The following JAM3 variants were observed in gnomAD, a reference collection of about 807,000 sequenced individuals.
JAM3 encodes junctional adhesion molecule 3.
In JAM3, 31 loss-of-function variants were observed where a neutral mutation model predicts 39.4. The observed-to-expected ratio is 0.79, with a 90% CI of 0.59 to 1.06. The LOEUF is 1.06. JAM3 is among the 50% of genes least tolerant of loss of function. JAM3 has a pLI of 0.00. For missense variants in JAM3, 455 were observed against 391.4 expected (o/e 1.16, Z -1.37); for synonymous variants, 182 against 148.7 (o/e 1.22, Z -1.63).
At chr11:134,125,364 TCAAA>T (rs1230326332) in intron 1 of JAM3, among the ~76,000 whole-genome samples, 2 of 152,246 alleles carry the variant, frequency 1.3e-5, no homozygotes, top group Non-Finnish European at 2.9e-5. Context: ...AGGGTTTTAC[TCAAA>T]CAATGGGATC....
intron 1 of JAM3, among the ~76,000 whole-genome samples, chr11:134,122,146 C>T (rs903867037): frequency 6.6e-6 from 1 of 152,176 alleles, no homozygotes; most frequent in South Asian, 2.1e-4. Flanking sequence ...ATCAAAACTC[C>T]AGCAATAGGA....
Position 134,140,697 on chromosome 11 carries a change from T to G in JAM3, c.183T>G (p.Ser61Arg). The G allele has an allele frequency of 6.2e-7, 1 of 1,613,826 alleles. No homozygotes were observed. Among genetic ancestry groups the G allele is most frequent in the Non-Finnish European group, 8.5e-7 (1 of 1,179,872 alleles). ...GCATCATTACGGATTCGCAGACAAG[T>G]GACCCCAGGATCGAGTGGAAGAAAA... The part of the protein sequence containing the change: ...LSCIITDSQT[S>R]DPRIEWKKIQ... The change falls in exon 3 of 9, where the codon AGT becomes AGG. Residue 61 changes from serine (S) to arginine (R), a missense_variant. Physicochemically the swap from Ser to Arg is moderately radical, Grantham distance 110. Coordinates refer to ENST00000299106, the MANE Select transcript of JAM3 (RefSeq NM_032801.5).
At position 134,146,042 on chromosome 11, in the gene JAM3, G is replaced by A; in HGVS notation, c.709G>A (p.Val237Ile). The A allele has an allele frequency of 1.2e-6, 2 of 1,609,760 alleles. No homozygotes were observed. The highest frequency in any genetic ancestry group is 1.3e-5 in the African/African-American group (1 of 74,992). ...SARCEEQEME[V>I]YDLNIGGIIG... ...CAGGTGTGAGGAGCAGGAGATGGAA[G>A]TCTGTGAGTTTCTTTTTTGAAGAGG... The change falls in exon 6 of 9, where the codon GTC becomes ATC. Residue 237 changes from valine (V) to isoleucine (I), a missense_variant. Coordinates refer to ENST00000299106, the MANE Select transcript of JAM3 (RefSeq NM_032801.5).
intron 1 of JAM3, chr11:134,070,176 A>C (rs1189184203): frequency 2.2e-6 from 1 of 456,136 alleles, no homozygotes; most frequent in East Asian, 6.9e-5. Flanking sequence ...TTTCAGAGTC[A>C]AGTCTAGTCT....
At chr11:134,141,999 C>T (rs951839678) in intron 3 of JAM3, among the ~76,000 whole-genome samples, 3 of 151,946 alleles carry the variant, frequency 2.0e-5, no homozygotes, top group East Asian at 1.9e-4. Flanking sequence ...TTCCCACTCA[C>T]GTGAAGTCCC....
intron 1 of JAM3, chr11:134,124,368 G>T: frequency 3.0e-6 from 2 of 671,680 alleles, no homozygotes; most frequent in South Asian, 3.5e-5. Context: ...TGAGTGTGAT[G>T]GGAAAAGTGA....
chr11:134,125,571 T>C (rs1422949828), intron 1 of JAM3, among the ~76,000 whole-genome samples: 3 of 152,208 alleles, frequency 2.0e-5, no homozygotes, highest in Non-Finnish European at 4.4e-5. Flanking sequence ...TTTGTACTTG[T>C]AGCCATTGAC....
At chr11:134,147,459 CAAA>C (rs557379286) in intron 6 of JAM3, among the ~76,000 whole-genome samples, 2,368 of 70,842 alleles carry the variant, frequency 0.033, 84 homozygotes, top group African/African-American at 0.1. Context: ...GACTCTGTCT[CAAA>C]AAAAAAAAAA....
At position 134,109,324 on chromosome 11, in the gene JAM3, A is replaced by G. The variant is rs574295978; in HGVS notation, c.77-30527A>G. Among the ~76,000 whole-genome samples the G allele has an allele frequency of 3.9e-5, 6 of 152,336 alleles. 1 individual carries two copies. In the South Asian group the frequency reaches 1.2e-3, roughly 32 times the overall value. ...TCTAGCAGTGCAACCAGGGATGAAA[A>G]AAAGAACTTAAAAAAAATTAGGAAG... On this transcript the variant is annotated intron_variant, in intron 1 of 8. Coordinates refer to ENST00000299106, the MANE Select transcript of JAM3 (RefSeq NM_032801.5).
chr11:134,121,511 G>T (rs570136739), intron 1 of JAM3, among the ~76,000 whole-genome samples: 1 of 150,682 alleles, frequency 6.6e-6, no homozygotes, highest in Admixed American at 6.6e-5. Context: ...ATGTTTTGTT[G>T]TTCTTTAAAA....
intron 1 of JAM3, among the ~76,000 whole-genome samples, chr11:134,136,999 G>T (rs557007409): frequency 2.6e-4 from 39 of 152,056 alleles, no homozygotes; most frequent in African/African-American, 9.4e-4. Context: ...TGTAGTCCCA[G>T]CTACTTGGGA....
At chr11:134,122,840 G>C (rs574449496) in intron 1 of JAM3, among the ~76,000 whole-genome samples, 9 of 152,232 alleles carry the variant, frequency 5.9e-5, no homozygotes, top group Non-Finnish European at 1.3e-4. Flanking sequence ...TCTGATACTA[G>C]ACAGAAAATC....
chr11:134,096,736 G>A (rs749802459), intron 1 of JAM3, among the ~76,000 whole-genome samples: 12 of 152,094 alleles, frequency 7.9e-5, no homozygotes, highest in Non-Finnish European at 1.2e-4. Flanking sequence ...CTTCTTTGTT[G>A]TATTGGGGTG....
At chr11:134,108,578 G>T (rs1942246993) in intron 1 of JAM3, among the ~76,000 whole-genome samples, 1 of 152,156 alleles carries the variant, frequency 6.6e-6, no homozygotes, top group South Asian at 2.1e-4. Context: ...GGCTGTTTGT[G>T]TGTATAGGAA....
chr11:134,124,234 C>T, intron 1 of JAM3: 2 of 1,282,792 alleles, frequency 1.6e-6, no homozygotes, highest in Non-Finnish European at 2.3e-6. Flanking sequence ...TTAAGTTCCT[C>T]TGGGAACTCG....
chr11:134,126,926 C>G (rs1043439646), intron 1 of JAM3, among the ~76,000 whole-genome samples: 2 of 152,206 alleles, frequency 1.3e-5, no homozygotes, highest in African/African-American at 4.8e-5. Flanking sequence ...GGCACTGATG[C>G]ATTGTAGGAT....
chr11:134,126,097 G>A (rs866392528), intron 1 of JAM3, among the ~76,000 whole-genome samples: 9 of 152,050 alleles, frequency 5.9e-5, no homozygotes, highest in African/African-American at 2.2e-4. Flanking sequence ...GTTTTCCTGC[G>A]ACATCCCTTC....
chr11:134,128,174 A>G (rs997236945), intron 1 of JAM3, among the ~76,000 whole-genome samples: 3 of 152,214 alleles, frequency 2.0e-5, no homozygotes, highest in Non-Finnish European at 2.9e-5. Flanking sequence ...TGAGAACACA[A>G]CAGCCTGAGG....
At chr11:134,106,066 G>A (rs1360049985) in intron 1 of JAM3, among the ~76,000 whole-genome samples, 4 of 152,160 alleles carry the variant, frequency 2.6e-5, no homozygotes, top group Non-Finnish European at 4.4e-5. Flanking sequence ...AAAGAACAAA[G>A]CTGGAGGCAT....
Sources: gnomAD v4.1 joint callset for allele counts (sites outside exome capture counted in the v4.1 genomes callset) on GRCh38, gnomAD v4.1.1 for gene constraint, MANE v1.5 for transcripts, NCBI Gene and HGNC (gene_info 2026-07-23, HGNC 2026-07-21) for gene names.